Variants in NPDC1 observed in about 807,000 individuals in gnomAD.
NPDC1 encodes neural proliferation differentiation and control protein 1.
A neutral mutation model predicts 32.5 loss-of-function variants in NPDC1; 18 were observed. The observed-to-expected ratio is 0.55, with a 90% CI of 0.38 to 0.82. The LOEUF is 0.82. Among genes scored for constraint, NPDC1 ranks in the 40% least tolerant of loss-of-function variants. NPDC1 has a pLI of 0.00. For missense variants in NPDC1, 468 were observed against 406.6 expected, an observed-to-expected ratio of 1.15 and a Z score of -1.30; for synonymous variants, 210 against 184.7, an observed-to-expected ratio of 1.14 and a Z score of -1.11.
chr9:137,040,660 C>T lies in NPDC1; in HGVS notation c.623+11G>A. Reference sequence around the variant, plus strand: ...GCACCCTCCCTGCCCTGCCCGCGGCCACTGGCTCACCTGCACCAGCAGAGG... The same window carrying T: ...GCACCCTCCCTGCCCTGCCCGCGGCTACTGGCTCACCTGCACCAGCAGAGG... On this transcript the variant is annotated intron_variant, in intron 5 of 8. Transcript: ENST00000371601. 1 of 1,572,982 alleles carries T rather than the reference C, an allele frequency of 6.4e-7. No homozygotes were observed. Among genetic ancestry groups the T allele is most frequent in the Non-Finnish European group, 8.6e-7 (1 of 1,164,304 alleles).
At position 137,039,724 on chromosome 9, in the gene NPDC1, CG is replaced by C; in HGVS notation, c.*47del. The C allele has an allele frequency of 4.2e-6, 3 of 714,940 alleles. No homozygotes were observed. The highest frequency in any genetic ancestry group is 5.1e-6 in the Non-Finnish European group (2 of 388,536). The allele number at this position is 714,940 out of a possible 1,614,324, so 44.3% of individuals were successfully genotyped here. A position where few individuals can be genotyped will look rare whatever the true frequency, so the allele number is the denominator to read the frequency against. The stretch of plus-strand genomic sequence containing the variant: ...GGAAGCTCCAGGCCCTGCCCCTCCC[CG>C]GGGGCCTCGAGGTCGGGGAGCAGGT... On this transcript the variant is annotated 3_prime_UTR_variant, in exon 9 of 9. Coordinates refer to ENST00000371601, the MANE Select transcript of NPDC1 (RefSeq NM_015392.4).
In NPDC1 at chr9:137,046,116, AAGG is replaced by A. The variant is rs1050629289; in HGVS notation, c.-130_-128del. 139 of 1,087,068 alleles carry A rather than the reference AAGG, an allele frequency of 1.3e-4. No homozygotes were observed. The highest frequency in any genetic ancestry group is 4.7e-4 in the East Asian group (9 of 19,254). 67.3% of individuals were successfully genotyped at this position (1,087,068 alleles called of 1,614,324 possible). On this transcript the variant is annotated 5_prime_UTR_variant, in exon 1 of 9. Transcript: ENST00000371601. ...GCAGGAGGAAGAAGAGGCGGATGCC[AAGG>A]AGGAGGAGGAGGAAGAGGAAAGGCA...
At position 137,042,542 on chromosome 9, in the gene NPDC1, C is replaced by G. The variant is rs978334440; in HGVS notation, c.259+385G>C. ...AAAGTGCTGGGATTACAGGCGTGAG[C>G]CACTGCTCCCGGCCTTCTTTTTTTT... On this transcript the variant is annotated intron_variant, in intron 2 of 8. Transcript: ENST00000371601. Among the ~76,000 whole-genome samples, 3 of 146,890 alleles carry G rather than the reference C, an allele frequency of 2.0e-5. No homozygotes were observed. The Admixed American group carries it at 2.1e-4, about 10-fold the overall frequency.
At chr9:137,040,621 C>A in intron 5 of NPDC1, 23 bp from the exon 6 acceptor site, 2 of 1,563,580 alleles carry the variant, frequency 1.3e-6, no homozygotes, top group East Asian at 4.7e-5. Flanking sequence ...GGGCCTGAGA[C>A]CTCTGAGCGT....
chr9:137,043,618 AG>A, intron 1 of NPDC1: 1 of 543,698 alleles, frequency 1.8e-6, no homozygotes, highest in South Asian at 2.6e-5. Flanking sequence ...CCAGGCACCG[AG>A]GACACCTAAG....
At position 137,040,533 on chromosome 9, in the gene NPDC1, G is replaced by T. The variant is rs146611468; in HGVS notation, c.689C>A (p.Pro230His). The change falls in exon 6 of 9, where the codon CCT (proline) becomes CAT (histidine). Residue 230 changes from proline to histidine, a missense_variant. Physicochemically the swap from Pro to His is moderately conservative, Grantham distance 77. Transcript: ENST00000371601. ...ACACACCGAGATCCGGGGAGCTGCA[G>T]GTGAGCCAGGGGCCTTCGCAGTGGC... is the stretch of plus-strand genomic sequence containing the variant. ...DYATAKAPGS[P>H]AAPRISPGDQ... 464 of 1,589,922 alleles carry T rather than the reference G, an allele frequency of 2.9e-4. No homozygotes were observed. The highest frequency in any genetic ancestry group is 3.7e-4 in the Non-Finnish European group (438 of 1,173,732).
Position 137,039,554 on chromosome 9 carries a change from T to TG in NPDC1, c.*217dup, listed in dbSNP as rs1832012610. Reference sequence around the variant, plus strand: ...ACGGTTCTCCATGCCCCCTCCAGTTTGGGGGTCTAAACCGAACAGGAGAGG... The same window carrying TG: ...ACGGTTCTCCATGCCCCCTCCAGTTTGGGGGGTCTAAACCGAACAGGAGAGG... On this transcript the variant is annotated 3_prime_UTR_variant, in exon 9 of 9. Transcript: ENST00000371601. 2 of 532,538 alleles carry TG rather than the reference T, an allele frequency of 3.8e-6. No individual in the cohort carries two copies. Among genetic ancestry groups the TG allele is most frequent in the Middle Eastern group, 4.2e-4 (1 of 2,356 alleles). 33.0% of individuals were successfully genotyped at this position (532,538 alleles called of 1,614,324 possible).
chr9:137,042,960 C>CT lies in NPDC1; in HGVS notation c.225dup (p.Gly76ArgfsTer23). ...CGGCGCATCCTGGGCACACAGAGCC[C>CT]TTGCTGGTCCTCCTGGAAGGGCTGA... On this transcript the variant is annotated frameshift_variant, in exon 2 of 9. Transcript: ENST00000371601. LOFTEE classifies it high-confidence loss of function. 6.2e-7 allele frequency: 1 copy of CT among 1,610,424 alleles called. No individual in the cohort carries two copies. Among genetic ancestry groups the CT allele is most frequent in the Non-Finnish European group, 8.5e-7 (1 of 1,178,288 alleles).
At chr9:137,043,684 C>A in intron 1 of NPDC1, 1 of 372,190 alleles carries the variant, frequency 2.7e-6, no homozygotes, top group Non-Finnish European at 4.9e-6. Context: ...AGGTCACTCC[C>A]AAAGCCACCA....
intron 1 of NPDC1, chr9:137,043,352 C>A: frequency 1.4e-6 from 1 of 717,028 alleles, no homozygotes. Context: ...GTCTCGCCGT[C>A]CAGGCAGTGC....
At chr9:137,039,949 C>A in intron 8 of NPDC1, 22 bp downstream of exon 8, 1 of 778,952 alleles carries the variant, frequency 1.3e-6, no homozygotes, top group Non-Finnish European at 2.4e-6. Flanking sequence ...GTTCGCCCCT[C>A]CCTGCACCCT....
rs371393371 is a variant in NPDC1, at chr9:137,040,899, G to C, written c.471C>G (p.Thr157=). The change falls in exon 4 of 9, where the codon ACC becomes ACG. Residue 157 remains threonine, a synonymous_variant. Transcript: ENST00000371601. Reference sequence around the variant, plus strand: ...CGGATGACACAGGGGAGCCCAGGGAGGTGTGGGGCGTGGGCGTGGGGGTTC... The same window carrying C: ...CGGATGACACAGGGGAGCCCAGGGACGTGTGGGGCGTGGGCGTGGGGGTTC... ...TPGTPTPTPH[T]SLGSPVSSDP... The C allele has an allele frequency of 6.3e-7, 1 of 1,583,478 alleles. No homozygotes were observed. Among genetic ancestry groups the C allele is most frequent in the Non-Finnish European group, 8.6e-7 (1 of 1,166,678 alleles).
chr9:137,042,721 G>A lies in NPDC1; in HGVS notation c.259+206C>T, dbSNP rs548433949. 3.2e-4 allele frequency: 188 copies of A among 579,258 alleles called. 2 individuals are homozygous for A. The South Asian group carries it at 3.8e-3, about 12-fold the overall frequency. The allele number at this position is 579,258 out of a possible 1,614,324, so 35.9% of individuals were successfully genotyped here. A position where few individuals can be genotyped will look rare whatever the true frequency, so the allele number is the denominator to read the frequency against. On this transcript the variant is annotated intron_variant, in intron 2 of 8. Coordinates refer to ENST00000371601, the MANE Select transcript of NPDC1 (RefSeq NM_015392.4). ...ACTACAGGTGTGTGCCACCACACCC[G>A]GCTACTTTGTATTTTTAGTAGAGAC...
intron 2 of NPDC1, among the ~76,000 whole-genome samples, chr9:137,042,059 C>G (rs1056714801): frequency 5.9e-5 from 9 of 152,246 alleles, no homozygotes; most frequent in Admixed American, 4.6e-4. Context: ...CCGTGGCCAT[C>G]CCAGCATTTC....
At chr9:137,045,508 C>G (rs912217167) in intron 1 of NPDC1, among the ~76,000 whole-genome samples, 1 of 152,204 alleles carries the variant, frequency 6.6e-6, no homozygotes, top group African/African-American at 2.4e-5. Flanking sequence ...CCCGCAGGAG[C>G]CCCGAACACG....
At chr9:137,045,782 G>A (rs1389233432) in intron 1 of NPDC1, 96 bp downstream of exon 1, 2 of 808,044 alleles carry the variant, frequency 2.5e-6, no homozygotes, top group Non-Finnish European at 3.0e-6. Flanking sequence ...TGCGGGCCTG[G>A]GCAGGACGAG....
intron 1 of NPDC1, chr9:137,043,546 C>T: frequency 1.7e-6 from 1 of 598,850 alleles, no homozygotes; most frequent in South Asian, 2.0e-5. Flanking sequence ...CTCCCCAGAA[C>T]CCGGCACTGA....
rs1288900395 is a variant in NPDC1 at position 137,043,000 on chromosome 9, G to A, written c.186C>T (p.Ala62=). Reference sequence around the variant, plus strand: ...GGAAGGGCTGAAGGCAGGGCCCACAGGCATGTGCACCAGGAGGACACCTTG... The same window carrying A: ...GGAAGGGCTGAAGGCAGGGCCCACAAGCATGTGCACCAGGAGGACACCTTG... The part of the protein sequence containing the change: ...RRARCPPGAH[A]CGPCLQPFQE... The change falls in exon 2 of 9, where the codon GCC becomes GCT. Residue 62 remains alanine (A), a synonymous_variant. Coordinates refer to ENST00000371601, the MANE Select transcript of NPDC1 (RefSeq NM_015392.4). 1 of 1,612,862 alleles carries A rather than the reference G, an allele frequency of 6.2e-7. No homozygotes were observed. Among genetic ancestry groups the A allele is most frequent in the African/African-American group, 1.3e-5 (1 of 75,032 alleles).
Position 137,040,042 on chromosome 9 carries a change from C to T in NPDC1, c.814G>A (p.Asp272Asn), listed in dbSNP as rs1431389640. ...ERHKEPPKELDTASSDEENED... is the reference protein window; with the variant it reads ...ERHKEPPKELNTASSDEENED... ...TTCTCCTCATCCGAGGAGGCCGTGT[C>T]CAGCTCCTTGGGTGGCTCTTTATGC... The change falls in exon 8 of 9, where the codon GAC becomes AAC. Residue 272 changes from aspartate to asparagine, a missense_variant. Asp to Asn is a conservative substitution (Grantham distance 23). Coordinates refer to ENST00000371601, the MANE Select transcript of NPDC1 (RefSeq NM_015392.4). 5 of 778,702 alleles carry T rather than the reference C, an allele frequency of 6.4e-6. No individual in the cohort carries two copies. In the South Asian group the frequency reaches 6.7e-5, roughly 10 times the overall value. The allele number at this position is 778,702 out of a possible 1,614,324, so 48.2% of individuals were successfully genotyped here.
Sources: allele counts gnomAD v4.1 joint callset (sites outside exome capture counted in the v4.1 genomes callset), GRCh38; gene constraint gnomAD v4.1.1; transcripts MANE v1.5; gene names NCBI Gene and HGNC (gene_info 2026-07-23, HGNC 2026-07-21).